Variants in CEP192 observed in about 807,000 individuals in gnomAD.
CEP192 encodes centrosomal protein of 192 kDa.
A neutral mutation model predicts 271.8 loss-of-function variants in CEP192; 151 were observed. That is an observed-to-expected ratio of 0.56 (90% CI 0.49 to 0.64). The LOEUF is 0.64. Among genes scored for constraint, CEP192 ranks in the 30% least tolerant of loss-of-function variants. The pLI, the probability that CEP192 is intolerant of heterozygous loss-of-function variation, is 0.00. For synonymous variants in CEP192, 995 were observed against 1,076.5 expected (o/e 0.92, Z 1.48); for missense variants, 2,910 against 3,020.5 (o/e 0.96, Z 0.86).
intron 9 of CEP192, among the ~76,000 whole-genome samples, chr18:13,019,872 G>A (rs1308921270): frequency 6.6e-6 from 1 of 151,006 alleles, no homozygotes; most frequent in South Asian, 2.1e-4. Flanking sequence ...CAGTGCAGTG[G>A]CGTGATCTCA....
intron 21 of CEP192, among the ~76,000 whole-genome samples, chr18:13,063,995 A>G (rs992618054): frequency 2.0e-5 from 3 of 150,512 alleles, no homozygotes; most frequent in African/African-American, 4.9e-5. Flanking sequence ...TAATTTTTGT[A>G]TTTTTAATAG....
At chr18:13,087,436 G>T (rs988585692) in intron 31 of CEP192, 95 bp from the exon 32 acceptor site, 15 of 912,272 alleles carry the variant, frequency 1.6e-5, no homozygotes, top group East Asian at 8.0e-5. Context: ...ACTTGTGTCT[G>T]TGTCGAATTT....
chr18:13,021,712 G>A (rs1011206637), intron 9 of CEP192, among the ~76,000 whole-genome samples: 1 of 152,134 alleles, frequency 6.6e-6, no homozygotes, highest in Non-Finnish European at 1.5e-5. Flanking sequence ...TGATACCTTT[G>A]CAGTGTTAAG....
chr18:12,999,805 G>A (rs960699031), intron 2 of CEP192, among the ~76,000 whole-genome samples: 12 of 149,968 alleles, frequency 8.0e-5, no homozygotes, highest in Admixed American at 6.6e-5. Flanking sequence ...TGGGATTTGA[G>A]CACCAGTTAC....
At chr18:13,070,705 G>C (rs1382109429) in intron 27 of CEP192, among the ~76,000 whole-genome samples, 1 of 152,232 alleles carries the variant, frequency 6.6e-6, no homozygotes, top group East Asian at 1.9e-4. Context: ...CAGAAGAGGA[G>C]AGTCAGGCCT....
At chr18:13,076,763 GA>G (rs2038307689) in intron 30 of CEP192, among the ~76,000 whole-genome samples, 1 of 152,034 alleles carries the variant, frequency 6.6e-6, no homozygotes, top group South Asian at 2.1e-4. Flanking sequence ...CTTCCAATCT[GA>G]AACCCTTTTA....
At chr18:13,071,493 TGAGA>T (rs762329012) in intron 28 of CEP192, among the ~76,000 whole-genome samples, 1 of 152,212 alleles carries the variant, frequency 6.6e-6, no homozygotes, top group African/African-American at 2.4e-5. Flanking sequence ...AAAAGCCAGC[TGAGA>T]GAGAGATTTA....
At position 13,049,051 on chromosome 18, in the gene CEP192, G is replaced by A. The variant is rs770386561; in HGVS notation, c.2260G>A (p.Glu754Lys). ...KTRDKTFQED[E>K]KQKDYSHVRH... is the part of the protein sequence containing the mutation. ...CAGAGACAAGACTTTTCAGGAAGAT[G>A]AGAAACAAAAGGACTATTCTCATGT... Residue 754 changes from glutamate to lysine, a missense_variant, in exon 16 of 45, where the codon GAG (glutamate) becomes AAG (lysine). Transcript: ENST00000506447. 6.2e-7 allele frequency: 1 copy of A among 1,614,100 alleles called. No homozygotes were observed. The highest frequency in any genetic ancestry group is 8.5e-7 in the Non-Finnish European group (1 of 1,179,988).
At chr18:13,087,886 T>C (rs2038969454) in intron 32 of CEP192, among the ~76,000 whole-genome samples, 1 of 152,228 alleles carries the variant, frequency 6.6e-6, no homozygotes, top group South Asian at 2.1e-4. Context: ...GAATGTATTG[T>C]GCCACTCTTC....
At position 13,056,017 on chromosome 18, in the gene CEP192, A is replaced by G; in HGVS notation, c.3427A>G (p.Lys1143Glu). 1 of 1,614,252 alleles carries G rather than the reference A, an allele frequency of 6.2e-7. No individual in the cohort carries two copies. Among genetic ancestry groups the G allele is most frequent in the East Asian group, 2.2e-5 (1 of 44,882 alleles). ...DFRWSKDPSS[K>E]SGNLLETSEV... ...TAGATGGAGTAAAGATCCTTCCTCC[A>G]AAAGTGGAAATCTGTTGGAAACCAG... is the stretch of plus-strand genomic sequence containing the variant. The change falls in exon 19 of 45, where the codon AAA (lysine) becomes GAA (glutamate). Residue 1143 changes from lysine to glutamate, a missense_variant. Coordinates refer to ENST00000506447, the MANE Select transcript of CEP192 (RefSeq NM_032142.4).
At chr18:13,095,259 C>T (rs1228743924) in intron 34 of CEP192, among the ~76,000 whole-genome samples, 1 of 152,190 alleles carries the variant, frequency 6.6e-6, no homozygotes, top group Non-Finnish European at 1.5e-5. Context: ...GCCTCGGCCT[C>T]CCAAAGTGCT....
chr18:13,002,907 T>G (rs2033741553), intron 3 of CEP192, among the ~76,000 whole-genome samples: 1 of 152,208 alleles, frequency 6.6e-6, no homozygotes, highest in African/African-American at 2.4e-5. Context: ...TTTCTTTATA[T>G]TAAAGATGTT....
In CEP192 at chr18:13,049,238, A is replaced by T. The variant is rs550026405; in HGVS notation, c.2447A>T (p.Glu816Val). The T allele has an allele frequency of 6.8e-6, 11 of 1,614,164 alleles. No homozygotes were observed. The East Asian group carries it at 1.6e-4, about 23-fold the overall frequency. ...ACTTGGGATTTATCTTTGCCCAAAG[A>T]ACAAACTACTCAAGACATTCATCCG... ...SDTWDLSLPK[E>V]QTTQDIHPVD... The change falls in exon 16 of 45, where the codon GAA becomes GTA. Residue 816 changes from glutamate to valine, a missense_variant. By Grantham distance (121) the Glu-to-Val change is moderately radical. Coordinates refer to ENST00000506447, the MANE Select transcript of CEP192 (RefSeq NM_032142.4).
Position 13,056,200 on chromosome 18 carries a change from A to C in CEP192, c.3610A>C (p.Lys1204Gln). 1 of 1,614,058 alleles carries C rather than the reference A, an allele frequency of 6.2e-7. No homozygotes were observed. Among genetic ancestry groups the C allele is most frequent in the Non-Finnish European group, 8.5e-7 (1 of 1,179,974 alleles). Reference sequence around the variant, plus strand: ...AGATCAAAGAATAAGTCCTAAAGATAAGTCAACTGCTGGCCGTGAGTTCAG... The same window carrying C: ...AGATCAAAGAATAAGTCCTAAAGATCAGTCAACTGCTGGCCGTGAGTTCAG... ...DEDQRISPKD[K>Q]STAGREFSGQ... The change falls in exon 19 of 45, where the codon AAG (lysine) becomes CAG (glutamine). Residue 1204 changes from lysine to glutamine, a missense_variant. Lys to Gln is a moderately conservative substitution (Grantham distance 53). Transcript: ENST00000506447.
intron 1 of CEP192, among the ~76,000 whole-genome samples, chr18:12,997,559 AAGG>A (rs1242291902): frequency 6.6e-6 from 1 of 152,192 alleles, no homozygotes; most frequent in East Asian, 1.9e-4. Context: ...ATGCCTGGGA[AAGG>A]AGGAGAGATA....
chr18:13,072,430 C>T (rs951070218), intron 28 of CEP192, among the ~76,000 whole-genome samples: 1 of 152,148 alleles, frequency 6.6e-6, no homozygotes, highest in South Asian at 2.1e-4. Flanking sequence ...CTTAATGACT[C>T]GATGAATTTC....
At chr18:13,103,848 T>C (rs772809758) in intron 39 of CEP192, 3 of 543,266 alleles carry the variant, frequency 5.5e-6, no homozygotes, top group South Asian at 4.6e-5. Flanking sequence ...CACCACCATG[T>C]CCAGCTAACT....
intron 13 of CEP192, among the ~76,000 whole-genome samples, chr18:13,039,683 A>AG (rs1222162784): frequency 6.6e-6 from 1 of 151,960 alleles, no homozygotes; most frequent in Non-Finnish European, 1.5e-5. Context: ...TCCTGGTAGG[A>AG]GGGGGGTTTT....
At chr18:13,094,724 A>G (rs1321922038) in intron 34 of CEP192, among the ~76,000 whole-genome samples, 2 of 152,190 alleles carry the variant, frequency 1.3e-5, no homozygotes, top group Non-Finnish European at 2.9e-5. Context: ...AACCCAGGAA[A>G]CGTGGACTAA....
Sources: allele counts gnomAD v4.1 joint callset (sites outside exome capture counted in the v4.1 genomes callset), GRCh38; gene constraint gnomAD v4.1.1; transcripts MANE v1.5; gene names NCBI Gene and HGNC (gene_info 2026-07-23, HGNC 2026-07-21).